FHL1: variants seen among roughly 807,000 people sequenced by gnomAD.
FHL1 encodes the protein four and a half LIM domains 1, also known as four and a half LIM domains protein 1.
Under a neutral mutation model 20.3 loss-of-function variants are expected in FHL1, and 1 was observed. The observed-to-expected ratio is 0.05, with a 90% CI of 0.02 to 0.23. FHL1 has a LOEUF of 0.23. Among genes scored for constraint, FHL1 ranks in the 10% least tolerant of loss-of-function variants. FHL1 has a pLI of 1.00. For synonymous variants in FHL1, 82 were observed against 88.9 expected (o/e 0.92, Z 0.44); for missense variants, 177 against 234.0 (o/e 0.76, Z 1.59).
exon 2 of FHL1, chrX:136,169,970 T>G (rs1475508874): frequency 3.0e-6 from 1 of 330,786 alleles, no homozygotes; most frequent in East Asian, 9.7e-5. Context: ...CTGCCACACA[T>G]CCAGCGTGAG....
intron 2 of FHL1, among the ~76,000 whole-genome samples, chrX:136,190,714 A>G (rs2073413748): frequency 9.0e-6 from 1 of 111,682 alleles, no homozygotes. Flanking sequence ...TTTACCATAC[A>G]TAGCATTCCT....
chrX:136,175,070 A>G (rs1205413570), intron 2 of FHL1, among the ~76,000 whole-genome samples: 1 of 112,395 alleles, frequency 8.9e-6, no homozygotes, highest in Non-Finnish European at 1.9e-5. Context: ...TAATTTCTAT[A>G]TCATGCACAG....
chrX:136,169,971 C>A (rs2072816816), exon 2 of FHL1: 1 of 329,148 alleles, frequency 3.0e-6, no homozygotes, highest in Non-Finnish European at 5.9e-6. Context: ...TGCCACACAT[C>A]CAGCGTGAGG....
intron 2 of FHL1, among the ~76,000 whole-genome samples, chrX:136,176,362 C>T (rs753605274): frequency 8.9e-6 from 1 of 112,624 alleles, no homozygotes; most frequent in South Asian, 3.7e-4. Flanking sequence ...TTCCCTATTT[C>T]AGATATACTT....
At chrX:136,196,671 T>C, upstream of FHL1, 4 of 483,615 alleles carry the variant, frequency 8.3e-6, no homozygotes, top group Non-Finnish European at 1.4e-5. Flanking sequence ...GTTACTTTTA[T>C]CATTAACAGC....
intron 2 of FHL1, among the ~76,000 whole-genome samples, chrX:136,174,178 C>T (rs1201333367): frequency 9.0e-6 from 1 of 111,666 alleles, no homozygotes; most frequent in Admixed American, 9.5e-5. Context: ...AACTTAAGGT[C>T]ATCCTTTTTC....
chrX:136,163,098 C>T (rs2072618183), intron 1 of FHL1, among the ~76,000 whole-genome samples: 1 of 112,194 alleles, frequency 8.9e-6, no homozygotes, highest in Non-Finnish European at 1.9e-5. Flanking sequence ...GGGAGGAGCT[C>T]TCCCGGTTTA....
chrX:136,155,935 A>T (rs1288018884), intron 1 of FHL1, among the ~76,000 whole-genome samples: 4 of 111,039 alleles, frequency 3.6e-5, no homozygotes, highest in Non-Finnish European at 7.5e-5. Context: ...AAGACATAGT[A>T]GCTTTTCTTC....
chrX:136,204,951 G>A (rs2073803346), intron 1 of FHL1: 1 of 112,272 alleles, frequency 8.9e-6, no homozygotes, highest in African/African-American at 3.2e-5. Context: ...TGAGTACCAG[G>A]CAACTGCTCA....
At chrX:136,186,160 G>T (rs915687587) in intron 2 of FHL1, among the ~76,000 whole-genome samples, 1 of 111,973 alleles carries the variant, frequency 8.9e-6, no homozygotes, top group Non-Finnish European at 1.9e-5. Context: ...ATGAGGATAT[G>T]TTGTGTGCAT....
intron 1 of FHL1, chrX:136,148,400 C>G (rs2072168633): frequency 4.0e-5 from 1 of 25,027 alleles, no homozygotes; most frequent in Non-Finnish European, 7.6e-5. Context: ...GCGGGTTTGG[C>G]GAATGGGGGT....
At chrX:136,209,844 T>G in intron 5 of FHL1, 27 bp from the exon 6 acceptor site, 1 of 1,202,491 alleles carries the variant, frequency 8.3e-7, no homozygotes. Flanking sequence ...TCTTGTTTTC[T>G]TTTCTTTTCT....
intron 1 of FHL1, 138 bp from the exon 2 acceptor site, chrX:136,206,269 G>T: frequency 1.3e-6 from 1 of 751,365 alleles, no homozygotes. Context: ...TAGTCAGCTC[G>T]GCTGAAGGGG....
chrX:136,210,146 C>G lies in FHL1; in HGVS notation c.*121C>G, dbSNP rs758987768. On this transcript the variant is annotated 3_prime_UTR_variant, in exon 6 of 6. Transcript: ENST00000370683. ...CTTCCCTTCTTTAAAGTTCTCCTTC[C>G]GTCTTTTCTCCCATTTTACAGTATT... 6 of 1,016,226 alleles carry G rather than the reference C, an allele frequency of 5.9e-6. No individual in the cohort carries two copies. Among genetic ancestry groups the G allele is most frequent in the Non-Finnish European group, 8.3e-6 (6 of 723,743 alleles). 83.7% of individuals were successfully genotyped at this position (1,016,226 alleles called of 1,213,427 possible).
At chrX:136,166,746 G>A (rs1445285461), upstream of FHL1, among the ~76,000 whole-genome samples, 1 of 112,560 alleles carries the variant, frequency 8.9e-6, no homozygotes, top group African/African-American at 3.2e-5. Flanking sequence ...GGATGGAATC[G>A]AAAGAAAGGT....
upstream of FHL1, among the ~76,000 whole-genome samples, chrX:136,196,510 G>C (rs12858013): frequency 9.0e-6 from 1 of 111,173 alleles, no homozygotes; most frequent in Non-Finnish European, 1.9e-5. Context: ...GGGAGATTAC[G>C]ATCACTCTCC....
At chrX:136,206,203 G>A (rs985205514) in intron 1 of FHL1, 85 of 483,817 alleles carry the variant, frequency 1.8e-4, no homozygotes, top group African/African-American at 1.5e-3. Flanking sequence ...ATCTGGCCCC[G>A]CGGGGTGCTT....
chrX:136,178,398 C>T (rs983986470), intron 2 of FHL1, among the ~76,000 whole-genome samples: 7 of 111,855 alleles, frequency 6.3e-5, no homozygotes, highest in African/African-American at 2.3e-4. Flanking sequence ...GCATCTCTCA[C>T]TGAAGGATAC....
At chrX:136,209,611 G>A in intron 5 of FHL1, among the ~76,000 whole-genome samples, 1 of 110,511 alleles carries the variant, frequency 9.0e-6, no homozygotes, top group South Asian at 3.9e-4. Context: ...GGAAGCCCTT[G>A]GCCGGGCTTC....
Sources: gnomAD v4.1 joint callset for allele counts (sites outside exome capture counted in the v4.1 genomes callset) on GRCh38, gnomAD v4.1.1 for gene constraint, MANE v1.5 for transcripts, NCBI Gene and HGNC (gene_info 2026-07-23, HGNC 2026-07-21) for gene names.